DSCAML1: variants seen among roughly 807,000 people sequenced by gnomAD.
The protein encoded by DSCAML1 is cell adhesion molecule DSCAML1.
DSCAML1 carries 38 observed loss-of-function variants against 200.5 expected under a neutral mutation model. The observed-to-expected ratio is 0.19, with a 90% CI of 0.15 to 0.25. DSCAML1 has a LOEUF of 0.25. Among genes scored for constraint, DSCAML1 ranks in the 10% least tolerant of loss-of-function variants. DSCAML1 has a pLI of 1.00. For missense variants in DSCAML1, 2,223 were observed against 2,858.8 expected (o/e 0.78, Z 5.07); for synonymous variants, 1,215 against 1,165.0 (o/e 1.04, Z -0.87).
intron 16 of DSCAML1, among the ~76,000 whole-genome samples, chr11:117,467,234 C>T (rs953614720): frequency 2.7e-5 from 4 of 149,022 alleles, no homozygotes; most frequent in African/African-American, 1.0e-4. Context: ...CATTCACACC[C>T]AGAACCAGGA....
chr11:117,505,376 A>G lies in DSCAML1; in HGVS notation c.2062+78T>C. ...CACCTTCCATGAGCCCGTGATTGGA[A>G]CTGGAAATCTAGAGACTGCAGTAGC... On this transcript the variant is annotated intron_variant, in intron 9 of 32. Transcript: ENST00000651296. The surrounding 1 kb of genome is among the most constrained non-coding windows in gnomAD (Gnocchi z 6.7). 1 of 1,547,940 alleles carries G rather than the reference A, an allele frequency of 6.5e-7. No individual in the cohort carries two copies. Among genetic ancestry groups the G allele is most frequent in the Non-Finnish European group, 8.7e-7 (1 of 1,148,034 alleles).
In DSCAML1 at chr11:117,516,132, G is replaced by T. The variant is rs1366101353; in HGVS notation, c.1783+335C>A. On this transcript the variant is annotated intron_variant, in intron 8 of 32. Coordinates refer to ENST00000651296, the MANE Select transcript of DSCAML1 (RefSeq NM_020693.4). This position sits in a 1 kb window ranked among gnomAD's most constrained non-coding sequence, Gnocchi z 5.7. ...AGCTCCTGGGGGCTCCATCCCAACAGCAGAGGCCCCATGCAGCCCATCTCT... is the reference window on the plus strand; with the variant it reads ...AGCTCCTGGGGGCTCCATCCCAACATCAGAGGCCCCATGCAGCCCATCTCT... Among the ~76,000 whole-genome samples the T allele has an allele frequency of 6.6e-6, 1 of 152,170 alleles. No homozygotes were observed. Among genetic ancestry groups the T allele is most frequent in the Non-Finnish European group, 1.5e-5 (1 of 68,032 alleles).
Position 117,498,097 on chromosome 11 carries a change from A to G in DSCAML1, c.2359+5748T>C, listed in dbSNP as rs2049326902. Among the ~76,000 whole-genome samples the G allele has an allele frequency of 6.6e-6, 1 of 152,196 alleles. No homozygotes were observed. The highest frequency in any genetic ancestry group is 1.5e-5 in the Non-Finnish European group (1 of 68,028). On this transcript the variant is annotated intron_variant, in intron 11 of 32. Coordinates refer to ENST00000651296, the MANE Select transcript of DSCAML1 (RefSeq NM_020693.4). The surrounding 1 kb of genome is among the most constrained non-coding windows in gnomAD (Gnocchi z 4.0). ...TGTGCTGAGCTGGGTGCCAGAAGTG[A>G]GAGTTCCCACCCAGGGAGGCGAAGA...
chr11:117,516,722 C>T lies in DSCAML1; in HGVS notation c.1528G>A (p.Ala510Thr). 1.2e-6 allele frequency: 2 copies of T among 1,613,110 alleles called. No homozygotes were observed. Among genetic ancestry groups the T allele is most frequent in the African/African-American group, 1.3e-5 (1 of 75,030 alleles). ...GCGACTGCTGTGATGTTCCGCATAG[C>T]CCGGATGCTGGGTGGGCCTGGGCAG... ...INVRGPPSIR[A>T]MRNITAVAGR... The change falls in exon 8 of 33, where the codon GCT becomes ACT. Residue 510 changes from alanine to threonine, a missense_variant. Around this residue, in one of 7 missense-constraint regions of DSCAML1, gnomAD observed 212 missense variants for 368.0 expected, o/e 0.58. Transcript: ENST00000651296. This position sits in a 1 kb window ranked among gnomAD's most constrained non-coding sequence, Gnocchi z 5.7.
At chr11:117,722,167 T>G (rs970189680) in intron 3 of DSCAML1, among the ~76,000 whole-genome samples, 1 of 152,164 alleles carries the variant, frequency 6.6e-6, no homozygotes, top group Non-Finnish European at 1.5e-5. Flanking sequence ...CCCCAGCTCC[T>G]GGGAAGGATC....
chr11:117,761,420 G>T (rs547368495), intron 3 of DSCAML1, among the ~76,000 whole-genome samples: 11 of 152,340 alleles, frequency 7.2e-5, no homozygotes, highest in African/African-American at 2.6e-4. Context: ...GAAGACCCTG[G>T]AACCAAGAAC....
chr11:117,671,380 C>G (rs1265180749), intron 3 of DSCAML1, among the ~76,000 whole-genome samples: 1 of 152,176 alleles, frequency 6.6e-6, no homozygotes, highest in Non-Finnish European at 1.5e-5. Context: ...ACGTGGAGTC[C>G]ATGTTTACAT....
intron 3 of DSCAML1, among the ~76,000 whole-genome samples, chr11:117,721,400 C>G (rs1057216318): frequency 4.6e-5 from 7 of 152,114 alleles, no homozygotes; most frequent in African/African-American, 1.7e-4. Flanking sequence ...ATAGTCACCC[C>G]CTCCCCCAAC....
chr11:117,702,638 A>T (rs1009862591), intron 3 of DSCAML1, among the ~76,000 whole-genome samples: 1 of 152,176 alleles, frequency 6.6e-6, no homozygotes, highest in Non-Finnish European at 1.5e-5. Flanking sequence ...GGTATTCAGT[A>T]CACGTTTGTT....
chr11:117,601,658 T>C (rs551732448), intron 3 of DSCAML1, among the ~76,000 whole-genome samples: 1 of 152,334 alleles, frequency 6.6e-6, no homozygotes, highest in African/African-American at 2.4e-5. Flanking sequence ...TTAATAAGAA[T>C]ACATTTCTGC....
intron 1 of DSCAML1, among the ~76,000 whole-genome samples, chr11:117,805,202 A>ATGGGGTGTTG (rs935691334): frequency 1.3e-5 from 2 of 152,184 alleles, no homozygotes; most frequent in African/African-American, 4.8e-5. Context: ...AAGTTGGGAA[A>ATGGGGTGTTG]TGGGGTGTTG....
At position 117,481,255 on chromosome 11, in the gene DSCAML1, G is replaced by A. The variant is rs770900111; in HGVS notation, c.2575C>T (p.Arg859Cys). The A allele has an allele frequency of 3.1e-6, 5 of 1,613,646 alleles. No individual in the cohort carries two copies. Among genetic ancestry groups the A allele is most frequent in the African/African-American group, 1.3e-5 (1 of 74,810 alleles). The stretch of plus-strand genomic sequence containing the variant: ...CAGCTGAAGAACACAGAGTCCCCAC[G>A]GTCAGCGGGCTTGAGCTGGGAGACC... ...VSTLKLKPAD[R>C]GDSVFFSCHA... Residue 859 changes from arginine to cysteine, a missense_variant, in exon 13 of 33, where the codon CGT (arginine) becomes TGT (cysteine). This residue lies in a region of DSCAML1 where 438 missense variants were observed against 629.7 expected (regional missense o/e 0.70). Transcript: ENST00000651296.
chr11:117,545,983 G>T (rs527424328), intron 3 of DSCAML1, among the ~76,000 whole-genome samples: 4 of 152,248 alleles, frequency 2.6e-5, no homozygotes, highest in Non-Finnish European at 5.9e-5. Flanking sequence ...GTCAGGAGAA[G>T]AATGGATGGA....
At chr11:117,654,851 G>GT in intron 3 of DSCAML1, among the ~76,000 whole-genome samples, 1 of 152,110 alleles carries the variant, frequency 6.6e-6, no homozygotes, top group East Asian at 1.9e-4. Flanking sequence ...CGGCGGGTAG[G>GT]AACGGCAATG....
Position 117,437,970 on chromosome 11 carries a change from C to T in DSCAML1, c.4357G>A (p.Val1453Met). 1 of 1,614,094 alleles carries T rather than the reference C, an allele frequency of 6.2e-7. No individual in the cohort carries two copies. Among genetic ancestry groups the T allele is most frequent in the South Asian group, 1.1e-5 (1 of 91,076 alleles). ...ACGCTGTTCTTGGCTGCCAGCTTCA[C>T]CTTGTACCACGTGCCACACTTGAGG... ...DSLKCGTWYKVKLAAKNSVGS... is the reference protein window; with the variant it reads ...DSLKCGTWYKMKLAAKNSVGS... Residue 1453 changes from valine to methionine, a missense_variant, in exon 25 of 33, where the codon GTG becomes ATG. Physicochemically the swap from Val to Met is conservative, Grantham distance 21. Coordinates refer to ENST00000651296, the MANE Select transcript of DSCAML1 (RefSeq NM_020693.4). This position sits in a 1 kb window ranked among gnomAD's most constrained non-coding sequence, Gnocchi z 5.3.
chr11:117,755,617 G>A (rs915687032), intron 3 of DSCAML1, among the ~76,000 whole-genome samples: 6 of 152,174 alleles, frequency 3.9e-5, no homozygotes, highest in Non-Finnish European at 8.8e-5. Context: ...TCAAATTACA[G>A]AGTCAAGTCA....
chr11:117,768,193 CA>C (rs2054933278), intron 3 of DSCAML1, among the ~76,000 whole-genome samples: 1 of 152,176 alleles, frequency 6.6e-6, no homozygotes, highest in Non-Finnish European at 1.5e-5. Context: ...TATGTTGGTA[CA>C]AAACCGCACC....
intron 3 of DSCAML1, among the ~76,000 whole-genome samples, chr11:117,543,673 T>G (rs913189533): frequency 7.9e-5 from 12 of 152,184 alleles, no homozygotes; most frequent in African/African-American, 2.7e-4. Flanking sequence ...TTCTGGGCGT[T>G]TGCTCACCCC....
chr11:117,500,959 T>C (rs1286680255), intron 11 of DSCAML1, among the ~76,000 whole-genome samples: 1 of 152,180 alleles, frequency 6.6e-6, no homozygotes, highest in Non-Finnish European at 1.5e-5. Flanking sequence ...ATTAGGGGCA[T>C]TGAGGCAAAC....
Sources: gnomAD v4.1 joint callset for allele counts (sites outside exome capture counted in the v4.1 genomes callset) on GRCh38, gnomAD v4.1.1 for gene constraint, gnomAD v4.1.1 regional missense constraint, Gnocchi (gnomAD v3.1) non-coding constraint, MANE v1.5 for transcripts, NCBI Gene and HGNC (gene_info 2026-07-23, HGNC 2026-07-21) for gene names.